Variants in STK3 observed in about 807,000 individuals in gnomAD.
STK3 encodes serine/threonine kinase 3, also known as serine/threonine-protein kinase 3.
Under a neutral mutation model 58.0 loss-of-function variants are expected in STK3, and 41 were observed. The observed-to-expected ratio is 0.71, with a 90% CI of 0.55 to 0.92. The LOEUF (loss-of-function observed/expected upper bound fraction) is 0.92, where lower values mean the gene tolerates loss of function less well. Among genes scored for constraint, STK3 ranks in the 40% least tolerant of loss-of-function variants. The pLI, the probability that STK3 is intolerant of heterozygous loss-of-function variation, is 0.00. For synonymous variants in STK3, 170 were observed against 191.0 expected, an observed-to-expected ratio of 0.89 and a Z score of 0.91; for missense variants, 479 against 602.7, an observed-to-expected ratio of 0.79 and a Z score of 2.15.
At chr8:98,536,950 T>C (rs1809816035) in intron 9 of STK3, among the ~76,000 whole-genome samples, 1 of 152,116 alleles carries the variant, frequency 6.6e-6, no homozygotes, top group Admixed American at 6.6e-5. Flanking sequence ...GTTTTAAAGG[T>C]TTTTTTACAG....
At chr8:98,450,488 A>C (rs992480216), downstream of STK3, among the ~76,000 whole-genome samples, 16 of 152,214 alleles carry the variant, frequency 1.1e-4, no homozygotes, top group Non-Finnish European at 2.2e-4. Flanking sequence ...AAGACAACAA[A>C]AGTGCAAAAG....
intron 1 of STK3, among the ~76,000 whole-genome samples, chr8:98,440,982 A>T (rs1818673886): frequency 6.6e-6 from 1 of 152,214 alleles, no homozygotes; most frequent in African/African-American, 2.4e-5. Context: ...GGTGTGGTTT[A>T]TATAGTCTGT....
intron 3 of STK3, among the ~76,000 whole-genome samples, chr8:98,424,972 C>T (rs79374531): frequency 0.015 from 2,325 of 152,270 alleles, 31 homozygotes; most frequent in South Asian, 0.033. Context: ...AAGGCTGTCC[C>T]GTAGGTGCTG....
downstream of STK3, among the ~76,000 whole-genome samples, chr8:98,452,739 G>A (rs1051845189): frequency 6.6e-5 from 10 of 150,720 alleles, no homozygotes; most frequent in Non-Finnish European, 1.3e-4. Flanking sequence ...ATTAATCAAG[G>A]CTTAACTAGA....
chr8:98,654,265 CT>C (rs1821265902), intron 6 of STK3, among the ~76,000 whole-genome samples: 1 of 152,168 alleles, frequency 6.6e-6, no homozygotes, highest in African/African-American at 2.4e-5. Flanking sequence ...CAGAAAAGGC[CT>C]TTGACAAAAT....
intron 9 of STK3, among the ~76,000 whole-genome samples, chr8:98,532,496 G>A (rs1241169663): frequency 6.6e-6 from 1 of 152,114 alleles, no homozygotes; most frequent in African/African-American, 2.4e-5. Flanking sequence ...TGATGAAAAG[G>A]TTTGAAATAT....
chr8:98,500,433 T>C (rs992536878), intron 10 of STK3, among the ~76,000 whole-genome samples: 13 of 152,212 alleles, frequency 8.5e-5, no homozygotes, highest in African/African-American at 3.1e-4. Context: ...TACATAGGTA[T>C]ACATGTGCCA....
At chr8:98,421,711 G>C (rs923661603) in intron 3 of STK3, among the ~76,000 whole-genome samples, 3 of 152,130 alleles carry the variant, frequency 2.0e-5, no homozygotes, top group African/African-American at 7.2e-5. Context: ...GGGAGGTGGA[G>C]GTTGCAGTGA....
chr8:98,629,383 A>T (rs1818996614), intron 6 of STK3, among the ~76,000 whole-genome samples: 1 of 152,192 alleles, frequency 6.6e-6, no homozygotes, highest in Non-Finnish European at 1.5e-5. Flanking sequence ...GCATGAAAAA[A>T]ACTGGAGACC....
chr8:98,427,831 GCACCCAAGACC>G, intron 3 of STK3: 2 of 633,970 alleles, frequency 3.2e-6, no homozygotes, highest in Non-Finnish European at 5.4e-6. Flanking sequence ...CAGCCCTTCA[GCACCCAAGACC>G]CACCAGGAGG....
At chr8:98,378,223 C>T (rs897014163) in intron 2 of STK3, among the ~76,000 whole-genome samples, 2 of 152,220 alleles carry the variant, frequency 1.3e-5, no homozygotes, top group African/African-American at 2.4e-5. Flanking sequence ...GCTAAGACAT[C>T]ACCCTGAGGT....
intron 6 of STK3, among the ~76,000 whole-genome samples, chr8:98,608,517 A>C (rs1471663946): frequency 1.3e-5 from 2 of 152,214 alleles, no homozygotes; most frequent in Non-Finnish European, 2.9e-5. Context: ...TTACTTTTTT[A>C]CATATTTGAA....
At chr8:98,858,465 C>T (rs562877611) in intron 3 of STK3, among the ~76,000 whole-genome samples, 272 of 149,874 alleles carry the variant, frequency 1.8e-3, no homozygotes, top group African/African-American at 6.2e-3. Flanking sequence ...CCACATCCAT[C>T]CGGTAATTTT....
rs114672667 is a variant in STK3, at chr8:98,860,783, G to A, written c.110+22864C>T. On this transcript the variant is annotated intron_variant, in intron 3 of 12. Transcript: ENST00000523601. ...AAAAATCTGGACACGGGGTGGATGC[G>A]GTGGCTCATGCCTGTCATCCCAACA... Among the ~76,000 whole-genome samples, 1,098 of 152,214 alleles carry A rather than the reference G, an allele frequency of 7.2e-3. 13 individuals carry two copies. Among genetic ancestry groups the A allele is most frequent in the African/African-American group, 0.024 (1,013 of 41,520 alleles).
intron 6 of STK3, among the ~76,000 whole-genome samples, chr8:98,647,609 G>A (rs535571049): frequency 4.5e-4 from 69 of 152,186 alleles, no homozygotes; most frequent in African/African-American, 1.4e-3. Flanking sequence ...GCAGTGGCAC[G>A]ATCTCGGCTC....
chr8:98,941,676 A>G (rs1349822682), intron 1 of STK3, among the ~76,000 whole-genome samples: 1 of 152,138 alleles, frequency 6.6e-6, no homozygotes, highest in African/African-American at 2.4e-5. Context: ...GCCGGGGGGC[A>G]GGGGCCTGCG....
At chr8:98,592,178 G>A (rs777054761) in intron 7 of STK3, among the ~76,000 whole-genome samples, 2 of 152,078 alleles carry the variant, frequency 1.3e-5, no homozygotes, top group Non-Finnish European at 2.9e-5. Context: ...ACAAAATTGA[G>A]GCATCTCATC....
At chr8:98,874,580 T>C (rs1837496476) in intron 3 of STK3, among the ~76,000 whole-genome samples, 2 of 152,190 alleles carry the variant, frequency 1.3e-5, no homozygotes, top group South Asian at 4.1e-4. Flanking sequence ...TCTATATCTA[T>C]CTATATATAA....
intron 3 of STK3, among the ~76,000 whole-genome samples, chr8:98,759,759 C>G (rs957374163): frequency 6.6e-6 from 1 of 152,280 alleles, no homozygotes; most frequent in Middle Eastern, 3.4e-3. Context: ...AGAATTTTGA[C>G]TAAGCCAGTA....
Sources: allele counts gnomAD v4.1 joint callset (sites outside exome capture counted in the v4.1 genomes callset), GRCh38; gene constraint gnomAD v4.1.1; transcripts MANE v1.5; gene names NCBI Gene and HGNC (gene_info 2026-07-23, HGNC 2026-07-21).